Variants in DMD observed in about 807,000 individuals in gnomAD.
DMD encodes dystrophin.
DMD carries 63 observed loss-of-function variants against 330.1 expected under a neutral mutation model. That is an observed-to-expected ratio of 0.19 (90% CI 0.16 to 0.24). The LOEUF (loss-of-function observed/expected upper bound fraction) is 0.24, where lower values mean the gene tolerates loss of function less well. Ranked by LOEUF, DMD falls within the 10% of genes least tolerant of loss-of-function variation. The probability of loss-of-function intolerance (pLI) is 1.00; values close to 1 mark genes in which losing one functional copy is unlikely to be tolerated. For synonymous variants in DMD, 1,223 were observed against 959.8 expected (o/e 1.27, Z -5.07); for missense variants, 3,344 against 2,684.1 (o/e 1.25, Z -5.43).
At chrX:32,092,677 T>C (rs1921366) in intron 44 of DMD, among the ~76,000 whole-genome samples, 319 of 106,741 alleles carry the variant, frequency 3.0e-3, no homozygotes, top group African/African-American at 0.01. Flanking sequence ...TGCAGTGGAG[T>C]ATTTTGGTTT....
chrX:32,631,327 T>G (rs763820151), intron 11 of DMD, among the ~76,000 whole-genome samples: 2 of 111,280 alleles, frequency 1.8e-5, no homozygotes, highest in East Asian at 5.7e-4. Flanking sequence ...CACTGACCAC[T>G]GACTGGCTAT....
At chrX:31,957,508 G>C (rs944195764) in intron 45 of DMD, among the ~76,000 whole-genome samples, 2 of 111,926 alleles carry the variant, frequency 1.8e-5, no homozygotes, top group African/African-American at 6.5e-5. Flanking sequence ...TGAAATGAGA[G>C]ATAAGGCTTT....
At chrX:32,441,964 C>T (rs187325395) in intron 27 of DMD, among the ~76,000 whole-genome samples, 6 of 110,267 alleles carry the variant, frequency 5.4e-5, no homozygotes, top group Non-Finnish European at 9.5e-5. Flanking sequence ...GGTATATTAT[C>T]GGAAATATTA....
At chrX:32,203,594 G>T (rs2097050648) in intron 44 of DMD, among the ~76,000 whole-genome samples, 1 of 112,089 alleles carries the variant, frequency 8.9e-6, no homozygotes, top group Non-Finnish European at 1.9e-5. Flanking sequence ...GATCTTCAAA[G>T]GGCTTCTGCC....
At chrX:31,245,602 C>CATGTGCT (rs989476388) in intron 63 of DMD, among the ~76,000 whole-genome samples, 3 of 112,078 alleles carry the variant, frequency 2.7e-5, no homozygotes, top group Non-Finnish European at 5.6e-5. Context: ...TTTCCAGCAG[C>CATGTGCT]ATGTGCTCAC....
At chrX:32,922,135 T>A (rs772028790) in intron 2 of DMD, among the ~76,000 whole-genome samples, 1 of 110,163 alleles carries the variant, frequency 9.1e-6, no homozygotes, top group East Asian at 2.9e-4. Flanking sequence ...GACTGAAACT[T>A]GAAAGGAATT....
At chrX:32,741,425 C>G (rs993123485) in intron 7 of DMD, among the ~76,000 whole-genome samples, 1 of 111,494 alleles carries the variant, frequency 9.0e-6, no homozygotes, top group Non-Finnish European at 1.9e-5. Flanking sequence ...TTTTCTCCCC[C>G]TTTTTAAACA....
intron 21 of DMD, among the ~76,000 whole-genome samples, chrX:32,472,738 T>C (rs1427693240): frequency 2.7e-5 from 3 of 111,280 alleles, no homozygotes; most frequent in African/African-American, 9.8e-5. Flanking sequence ...AAAAATAGTA[T>C]CATTATCCGA....
intron 17 of DMD, among the ~76,000 whole-genome samples, chrX:32,522,628 G>A (rs567383242): frequency 2.0e-4 from 22 of 112,050 alleles, no homozygotes; most frequent in Middle Eastern, 4.7e-3. Flanking sequence ...ATTTCAACAT[G>A]ATCCTTTATA....
intron 2 of DMD, among the ~76,000 whole-genome samples, chrX:32,875,849 C>A (rs762085243): frequency 8.9e-6 from 1 of 111,852 alleles, no homozygotes; most frequent in Non-Finnish European, 1.9e-5. Flanking sequence ...TATATCTGCA[C>A]GTATTTAAAT....
At chrX:33,276,985 G>C (rs1433067982) in intron 1 of DMD, among the ~76,000 whole-genome samples, 1 of 111,797 alleles carries the variant, frequency 8.9e-6, no homozygotes, top group Non-Finnish European at 1.9e-5. Context: ...GTATACATTT[G>C]TGTGTGTATG....
chrX:32,279,622 C>T (rs1207888644), intron 43 of DMD, among the ~76,000 whole-genome samples: 2 of 101,441 alleles, frequency 2.0e-5, no homozygotes, highest in African/African-American at 7.3e-5. Context: ...AACAACTGAA[C>T]ACTTGGAGAT....
Position 32,718,331 on chromosome X carries a change from G to A in DMD, c.650-19038C>T, listed in dbSNP as rs956781535. Among the ~76,000 whole-genome samples the A allele has an allele frequency of 2.0e-4, 22 of 110,919 alleles. No individual in the cohort carries two copies. In the Admixed American group the frequency reaches 2.1e-3, roughly 11 times the overall value. On this transcript the variant is annotated intron_variant, in intron 7 of 78. Coordinates refer to ENST00000357033, the MANE Select transcript of DMD (RefSeq NM_004006.3). The stretch of plus-strand genomic sequence containing the variant: ...TCTCATGATATCTGGTTGTGTGAAA[G>A]CGTGTAGCATCTCTGCCTGCTCTCT...
intron 60 of DMD, among the ~76,000 whole-genome samples, chrX:31,431,572 T>C (rs1340161639): frequency 2.7e-5 from 3 of 109,729 alleles, no homozygotes; most frequent in Non-Finnish European, 5.7e-5. Context: ...TAATTTTGTA[T>C]TTTTAGTAGA....
intron 1 of DMD, among the ~76,000 whole-genome samples, chrX:33,333,639 T>G (rs1056469057): frequency 7.2e-5 from 8 of 111,184 alleles, no homozygotes; most frequent in African/African-American, 2.6e-4. Context: ...CTATGGAGAT[T>G]GTAATATTTG....
At chrX:32,217,945 T>G (rs1310969797) in intron 43 of DMD, among the ~76,000 whole-genome samples, 1 of 112,058 alleles carries the variant, frequency 8.9e-6, no homozygotes, top group Non-Finnish European at 1.9e-5. Context: ...ATGCGATGCC[T>G]TCTTTAATCC....
At chrX:31,364,826 G>A (rs984226560) in intron 60 of DMD, among the ~76,000 whole-genome samples, 1 of 111,191 alleles carries the variant, frequency 9.0e-6, no homozygotes, top group Non-Finnish European at 1.9e-5. Flanking sequence ...GGCTGGGTGC[G>A]GTGGCTCACG....
At chrX:32,900,233 G>T (rs947879822) in intron 2 of DMD, among the ~76,000 whole-genome samples, 1 of 111,892 alleles carries the variant, frequency 8.9e-6, no homozygotes, top group African/African-American at 3.2e-5. Context: ...AATTGTGTTG[G>T]TATGAATAGG....
chrX:31,563,966 G>T (rs1294860390), intron 55 of DMD, among the ~76,000 whole-genome samples: 1 of 111,408 alleles, frequency 9.0e-6, no homozygotes, highest in Non-Finnish European at 1.9e-5. Context: ...GAGGTCATTT[G>T]GTTGGGCCTG....
Sources: gnomAD v4.1 joint callset for allele counts (sites outside exome capture counted in the v4.1 genomes callset) on GRCh38, gnomAD v4.1.1 for gene constraint, MANE v1.5 for transcripts, NCBI Gene and HGNC (gene_info 2026-07-23, HGNC 2026-07-21) for gene names.